The following SP100 variants were observed in gnomAD, a reference collection of about 807,000 sequenced individuals.
SP100 encodes SP100 nuclear body protein, also known as nuclear autoantigen Sp-100.
In SP100, 84 loss-of-function variants were observed where a neutral mutation model predicts 130.0. The observed-to-expected ratio is 0.65, with a 90% CI of 0.54 to 0.77. SP100 has a LOEUF of 0.77. Ranked by LOEUF, SP100 falls within the 30% of genes least tolerant of loss-of-function variation. SP100 has a pLI of 0.00. For synonymous variants in SP100, 331 were observed against 351.7 expected (o/e 0.94, Z 0.66); for missense variants, 978 against 1,052.2 (o/e 0.93, Z 0.97).
At chr2:230,449,480 T>C in intron 6 of SP100, 81 bp from the exon 7 acceptor site, 1 of 1,486,534 alleles carries the variant, frequency 6.7e-7, no homozygotes, top group South Asian at 1.1e-5. Flanking sequence ...CGTCCATCAG[T>C]GGCCCGTGCT....
intron 28 of SP100, among the ~76,000 whole-genome samples, chr2:230,542,238 AC>A (rs1321496742): frequency 6.6e-6 from 1 of 152,164 alleles, no homozygotes; most frequent in Admixed American, 6.6e-5. Flanking sequence ...GCCATTGCAA[AC>A]ATGGTCCTAT....
chr2:230,468,529 G>T (rs1302707379), intron 13 of SP100, among the ~76,000 whole-genome samples: 4 of 152,050 alleles, frequency 2.6e-5, no homozygotes, highest in African/African-American at 7.2e-5. Flanking sequence ...TTGAGGCCAG[G>T]TGTGGTGGCT....
intron 5 of SP100, among the ~76,000 whole-genome samples, chr2:230,447,887 C>G (rs2063777637): frequency 6.6e-6 from 1 of 152,216 alleles, no homozygotes; most frequent in Admixed American, 6.5e-5. Flanking sequence ...GAAAGTTCCA[C>G]CCCTCTAATC....
chr2:230,472,590 G>T (rs1383597918), intron 15 of SP100, among the ~76,000 whole-genome samples: 1 of 152,076 alleles, frequency 6.6e-6, no homozygotes, highest in Non-Finnish European at 1.5e-5. Context: ...TACATTCAAA[G>T]GGTGATGAGT....
At chr2:230,476,278 G>T (rs764918950) in intron 17 of SP100, among the ~76,000 whole-genome samples, 2 of 152,014 alleles carry the variant, frequency 1.3e-5, no homozygotes, top group African/African-American at 4.8e-5. Flanking sequence ...AATTCCTAGG[G>T]ATCTCATTTT....
Position 230,470,056 on chromosome 2 carries a change from G to A in SP100, c.1387G>A (p.Glu463Lys). ...CTTTTCAGACCTGAGTAATGGAGAA[G>A]AGCTTCAGGAAACCTGCAGCTCATC... ...SDFSDLSNGE[E>K]LQETCSSSLR... The change falls in exon 15 of 29, where the codon GAG (glutamate) becomes AAG (lysine). Residue 463 changes from glutamate (E) to lysine (K), a missense_variant. Glu to Lys is a moderately conservative substitution (Grantham distance 56). Transcript: ENST00000340126. 1.2e-6 allele frequency: 2 copies of A among 1,612,420 alleles called. No individual in the cohort carries two copies. The highest frequency in any genetic ancestry group is 1.7e-6 in the Non-Finnish European group (2 of 1,179,114).
chr2:230,443,513 A>G (rs1037105177), intron 3 of SP100, among the ~76,000 whole-genome samples: 8 of 152,222 alleles, frequency 5.3e-5, no homozygotes, highest in African/African-American at 1.7e-4. Flanking sequence ...GTTAACATCA[A>G]TTTAAAATGC....
chr2:230,471,236 A>T (rs1401208522), intron 15 of SP100, among the ~76,000 whole-genome samples: 1 of 152,246 alleles, frequency 6.6e-6, no homozygotes, highest in Non-Finnish European at 1.5e-5. Context: ...AATGTATAGC[A>T]GCAGGGCAAT....
intron 21 of SP100, among the ~76,000 whole-genome samples, chr2:230,504,990 T>C (rs763702251): frequency 4.7e-4 from 71 of 152,286 alleles, no homozygotes; most frequent in Middle Eastern, 3.4e-3. Flanking sequence ...AAGGGCTTTA[T>C]CTTTATGGAT....
chr2:230,510,664 T>C (rs11678480), intron 23 of SP100: 1,948 of 188,304 alleles, frequency 0.01, 35 homozygotes, highest in Non-Finnish European at 0.014. Flanking sequence ...ACTCAGCTAA[T>C]TTTTGTATTT....
chr2:230,437,518 T>A (rs911204722), intron 2 of SP100, among the ~76,000 whole-genome samples: 1 of 152,146 alleles, frequency 6.6e-6, no homozygotes, highest in Admixed American at 6.6e-5. Flanking sequence ...TCAAGGGTAT[T>A]GAGAAATATG....
intron 14 of SP100, among the ~76,000 whole-genome samples, 200 bp downstream of exon 14, chr2:230,469,296 A>T (rs1649878): frequency 6.6e-6 from 1 of 151,978 alleles, no homozygotes; most frequent in African/African-American, 2.4e-5. Flanking sequence ...CAAGTGCAAC[A>T]TAAGTTTATT....
At chr2:230,454,378 G>C (rs1255741456) in intron 8 of SP100, among the ~76,000 whole-genome samples, 1 of 151,734 alleles carries the variant, frequency 6.6e-6, no homozygotes, top group Non-Finnish European at 1.5e-5. Context: ...GTAACATTAG[G>C]TTGTTTGAGA....
intron 17 of SP100, among the ~76,000 whole-genome samples, chr2:230,482,239 C>G (rs1206524255): frequency 6.6e-6 from 1 of 152,158 alleles, no homozygotes; most frequent in Non-Finnish European, 1.5e-5. Flanking sequence ...TAATACTTTT[C>G]TTACTTTATT....
At chr2:230,440,668 G>GT in intron 2 of SP100, 1 of 1,031,942 alleles carries the variant, frequency 9.7e-7, no homozygotes, top group Non-Finnish European at 1.3e-6. Context: ...AAGTCCTAAA[G>GT]TTTTTTCTTG....
chr2:230,493,077 A>G (rs1453920850), intron 17 of SP100, among the ~76,000 whole-genome samples: 1 of 152,212 alleles, frequency 6.6e-6, no homozygotes, highest in African/African-American at 2.4e-5. Flanking sequence ...GTGAAGAGAT[A>G]GGTACTTTTG....
intron 4 of SP100, among the ~76,000 whole-genome samples, chr2:230,444,995 A>G (rs1035271229): frequency 3.3e-5 from 5 of 152,366 alleles, no homozygotes; most frequent in African/African-American, 1.2e-4. Flanking sequence ...CCAGAATATG[A>G]GCAAGAAAGT....
chr2:230,542,345 T>C (rs983486235), intron 28 of SP100, among the ~76,000 whole-genome samples: 1 of 152,188 alleles, frequency 6.6e-6, no homozygotes. Flanking sequence ...GAAATAGAAG[T>C]GCACTTTAAA....
rs6711318 is a variant in SP100 at position 230,486,095 on chromosome 2, C to T, written c.1601-8321C>T. Among the ~76,000 whole-genome samples the T allele has an allele frequency of 3.5e-3, 527 of 152,126 alleles. 2 individuals carry two copies. Among genetic ancestry groups the T allele is most frequent in the African/African-American group, 0.012 (488 of 41,482 alleles). On this transcript the variant is annotated intron_variant, in intron 17 of 28. Coordinates refer to ENST00000340126, the MANE Select transcript of SP100 (RefSeq NM_001080391.2). Reference sequence around the variant, plus strand: ...TTAAAAAAAAGAGGTATAATTGACTCACAGTTCCACATGGCTGGGAGGCCT... The same window carrying T: ...TTAAAAAAAAGAGGTATAATTGACTTACAGTTCCACATGGCTGGGAGGCCT...
Sources: gnomAD v4.1 joint callset for allele counts (sites outside exome capture counted in the v4.1 genomes callset) on GRCh38, gnomAD v4.1.1 for gene constraint, MANE v1.5 for transcripts, NCBI Gene and HGNC (gene_info 2026-07-23, HGNC 2026-07-21) for gene names.